Variants in GUCY2D observed in about 807,000 individuals in gnomAD.
GUCY2D encodes retinal guanylyl cyclase 1.
GUCY2D carries 70 observed loss-of-function variants against 101.3 expected under a neutral mutation model. That is an observed-to-expected ratio of 0.69 (90% confidence interval 0.57 to 0.84). The LOEUF is 0.84. Ranked by LOEUF, GUCY2D falls within the 40% of genes least tolerant of loss-of-function variation. The pLI is 0.00. For synonymous variants in GUCY2D, 688 were observed against 670.7 expected (o/e 1.03, Z -0.40); for missense variants, 1,460 against 1,542.5 (o/e 0.95, Z 0.90).
intron 5 of GUCY2D, 82 bp from the exon 6 acceptor site, chr17:8,007,344 G>T: frequency 1.9e-6 from 2 of 1,045,178 alleles, no homozygotes; most frequent in Non-Finnish European, 1.5e-6. Context: ...CTGAGCCAAC[G>T]TTATCCCTCC....
In GUCY2D at chr17:8,003,740, G is replaced by T. The variant is rs759280279; in HGVS notation, c.693G>T (p.Arg231Ser). ...LDLSGAREALRKVRDGPRVTA... is the reference protein window; with the variant it reads ...LDLSGAREALSKVRDGPRVTA... ...TGTCTGGAGCCCGGGAGGCCCTGAG[G>T]AAGGTTCGGGACGGGCCCAGGGTCA... Residue 231 changes from arginine to serine, a missense_variant, in exon 2 of 20, where the codon AGG becomes AGT. Transcript: ENST00000254854. 6.3e-6 allele frequency: 10 copies of T among 1,598,788 alleles called. No individual in the cohort carries two copies. In the South Asian group the frequency reaches 1.1e-4, roughly 18 times the overall value.
intron 6 of GUCY2D, 38 bp from the exon 7 acceptor site, chr17:8,007,893 A>C (rs1026305792): frequency 1.8e-5 from 23 of 1,286,302 alleles, no homozygotes; most frequent in Non-Finnish European, 2.6e-5. Context: ...TGACACCAGA[A>C]TATATTTTGA....
Position 8,014,491 on chromosome 17 carries a change from G to T in GUCY2D, c.2413-110G>T, listed in dbSNP as rs1975921259. ...GAATAGTAGATGAATGGTGGCAGCG[G>T]GGTTGGGGTTCAGAGTGAACAGCCC... On this transcript the variant is annotated intron_variant, in intron 12 of 19. Transcript: ENST00000254854. The surrounding 1 kb of genome is among the most constrained non-coding windows in gnomAD (Gnocchi z 4.0). 2 of 984,330 alleles carry T rather than the reference G, an allele frequency of 2.0e-6. No homozygotes were observed. Among genetic ancestry groups the T allele is most frequent in the Non-Finnish European group, 3.3e-6 (2 of 614,046 alleles). 61.0% of individuals were successfully genotyped at this position (984,330 alleles called of 1,614,324 possible). A position where few individuals can be genotyped will look rare whatever the true frequency, so the allele number is the denominator to read the frequency against.
At position 8,016,482 on chromosome 17, in the gene GUCY2D, C is replaced by A. The variant is rs754717527; in HGVS notation, c.3264C>A (p.Pro1088=). Reference sequence around the variant, plus strand: ...GCATCAGCCTGCAGGAGATCCCACCCGAGCGGCGACGGAAGCTGGAGAAGG... The same window carrying A: ...GCATCAGCCTGCAGGAGATCCCACCAGAGCGGCGACGGAAGCTGGAGAAGG... The part of the protein sequence containing the change: ...NHGISLQEIP[P]ERRRKLEKAR... The change falls in exon 19 of 20, where the codon CCC becomes CCA. Residue 1088 remains proline, a synonymous_variant. Coordinates refer to ENST00000254854, the MANE Select transcript of GUCY2D (RefSeq NM_000180.4). 3.2e-6 allele frequency: 5 copies of A among 1,580,380 alleles called. No homozygotes were observed. The highest frequency in any genetic ancestry group is 1.7e-4 in the Middle Eastern group (1 of 6,052).
At chr17:8,012,934 G>C (rs1018805469) in intron 10 of GUCY2D, among the ~76,000 whole-genome samples, 169 bp from the exon 11 acceptor site, 1 of 152,212 alleles carries the variant, frequency 6.6e-6, no homozygotes, top group Non-Finnish European at 1.5e-5. Context: ...TATTTGCCAG[G>C]CTTTCTCTGA....
chr17:8,008,821 T>C (rs1975794719), intron 7 of GUCY2D, among the ~76,000 whole-genome samples: 1 of 152,222 alleles, frequency 6.6e-6, no homozygotes, highest in African/African-American at 2.4e-5. Flanking sequence ...TTCCCCACAT[T>C]TATTTCCAAA....
Position 8,016,550 on chromosome 17 carries a change from G to T in GUCY2D, c.*20G>T. ...TCTTGAGAAGTGAGGCCCGGCCCCG[G>T]ACAGGTACTGCCCCCTCAGCCCCAA... On this transcript the variant is annotated 3_prime_UTR_variant, in exon 19 of 20. Transcript: ENST00000254854. The T allele has an allele frequency of 6.8e-7, 1 of 1,481,436 alleles. No individual in the cohort carries two copies. 91.8% of individuals were successfully genotyped at this position (1,481,436 alleles called of 1,614,324 possible). A position where few individuals can be genotyped will look rare whatever the true frequency, so the allele number is the denominator to read the frequency against.
rs1292562609 is a variant in GUCY2D at position 8,006,665 on chromosome 17, C to T, written c.1329C>T (p.Pro443=). ...ACTTCCCGCGTGGGGGATCAGCACC[C>T]GGACCTGACCCCTCGTGCTGGTTCG... The part of the protein sequence containing the change: ...RMHFPRGGSA[P]GPDPSCWFDP... The change falls in exon 4 of 20, where the codon CCC becomes CCT. Residue 443 remains proline, a synonymous_variant. Coordinates refer to ENST00000254854, the MANE Select transcript of GUCY2D (RefSeq NM_000180.4). 7 of 1,612,014 alleles carry T rather than the reference C, an allele frequency of 4.3e-6. No individual in the cohort carries two copies. Among genetic ancestry groups the T allele is most frequent in the Admixed American group, 3.3e-5 (2 of 59,874 alleles).
chr17:8,006,711 GGA>G lies in GUCY2D; in HGVS notation c.1377_1378del (p.Gly460ThrfsTer96), dbSNP rs1275955653. On this transcript the variant is annotated frameshift_variant and splice_region_variant, in exon 4 of 20. Transcript: ENST00000254854. LOFTEE classifies it high-confidence loss of function. ...CWFDPNNICG[G>X]GLEPGLVFLG... ...GTTCGATCCAAACAACATCTGCGGTGGAGGTGAGGGCGAGCACCCCAGTCCCC... is the reference window on the plus strand; with the variant it reads ...GTTCGATCCAAACAACATCTGCGGTGGGTGAGGGCGAGCACCCCAGTCCCC... 1.5e-5 allele frequency: 24 copies of G among 1,602,048 alleles called. No individual in the cohort carries two copies. The highest frequency in any genetic ancestry group is 1.9e-5 in the Non-Finnish European group (22 of 1,173,784).
intron 19 of GUCY2D, among the ~76,000 whole-genome samples, chr17:8,019,153 G>A (rs187668100): frequency 9.5e-4 from 144 of 152,230 alleles, no homozygotes; most frequent in African/African-American, 3.2e-3. Context: ...GGATTGAAGC[G>A]CAGATTCACA....
rs1975736437 is a variant in GUCY2D at position 8,006,350 on chromosome 17, T to G, written c.1027-13T>G. On this transcript the variant is annotated splice_polypyrimidine_tract_variant and intron_variant, in intron 3 of 19. Transcript: ENST00000254854. ...GTGACCCCGACCTCTGAGCCCCTAC[T>G]CTCCTTCTCCAGGTCTCCCCACTCT... The G allele has an allele frequency of 1.3e-6, 2 of 1,595,146 alleles. No individual in the cohort carries two copies. The highest frequency in any genetic ancestry group is 1.7e-5 in the Admixed American group (1 of 59,982).
Position 8,003,112 on chromosome 17 carries a change from G to A in GUCY2D, c.65G>A (p.Trp22Ter), listed in dbSNP as rs1308509257. 1 of 1,521,712 alleles carries A rather than the reference G, an allele frequency of 6.6e-7. No homozygotes were observed. Among genetic ancestry groups the A allele is most frequent in the South Asian group, 1.2e-5 (1 of 81,882 alleles). The allele number at this position is 1,521,712 out of a possible 1,614,324, so 94.3% of individuals were successfully genotyped here. A position where few individuals can be genotyped will look rare whatever the true frequency, so the allele number is the denominator to read the frequency against. Reference protein sequence around the residue: ...PDPGLCGPAWWAPSLPRLPRA... With the variant: ...PDPGLCGPAW ...CCCGGGCTCTGCGGTCCCGCGTGGT[G>A]GGCTCCGTCCCTGCCCCGCCTCCCC... Residue 22 changes from tryptophan to a stop codon, truncating the protein, a stop_gained, in exon 2 of 20, where the codon TGG (tryptophan) becomes TAG (stop). Transcript: ENST00000254854. LOFTEE classifies it high-confidence loss of function.
At position 8,016,487 on chromosome 17, in the gene GUCY2D, G is replaced by A. The variant is rs371952237; in HGVS notation, c.3269G>A (p.Arg1090Gln). Residue 1090 changes from arginine to glutamine, a missense_variant, in exon 19 of 20, where the codon CGG becomes CAG. Transcript: ENST00000254854. ...AGCCTGCAGGAGATCCCACCCGAGC[G>A]GCGACGGAAGCTGGAGAAGGCGCGG... The part of the protein sequence containing the change: ...GISLQEIPPE[R>Q]RRKLEKARPG... 3 of 1,581,684 alleles carry A rather than the reference G, an allele frequency of 1.9e-6. No individual in the cohort carries two copies. Among genetic ancestry groups the A allele is most frequent in the African/African-American group, 1.3e-5 (1 of 74,536 alleles).
intron 3 of GUCY2D, 59 bp downstream of exon 3, chr17:8,004,215 A>G (rs1258726573): frequency 2.6e-5 from 37 of 1,435,474 alleles, no homozygotes. Context: ...CAGCCAAAGC[A>G]GGGAGAGGAG....
At position 8,006,489 on chromosome 17, in the gene GUCY2D, G is replaced by A. The variant is rs1975741545; in HGVS notation, c.1153G>A (p.Ala385Thr). The change falls in exon 4 of 20, where the codon GCG becomes ACG. Residue 385 changes from alanine (A) to threonine (T), a missense_variant. Coordinates refer to ENST00000254854, the MANE Select transcript of GUCY2D (RefSeq NM_000180.4). ...AGCTGTGGCCCGCCACATCCGGGATGCGCAGGTCCCTGGCTTCTGCGGGGA... is the reference window on the plus strand; with the variant it reads ...AGCTGTGGCCCGCCACATCCGGGATACGCAGGTCCCTGGCTTCTGCGGGGA... Reference protein sequence around the residue: ...GAAVARHIRDAQVPGFCGDLG... With the variant: ...GAAVARHIRDTQVPGFCGDLG... 3 of 1,608,088 alleles carry A rather than the reference G, an allele frequency of 1.9e-6. No individual in the cohort carries two copies. The African/African-American group carries it at 4.0e-5, about 21-fold the overall frequency.
rs72841480 is a variant in GUCY2D at position 8,013,075 on chromosome 17, G to A, written c.2114-28G>A. 89 of 1,603,616 alleles carry A rather than the reference G, an allele frequency of 5.5e-5. No homozygotes were observed. The highest frequency in any genetic ancestry group is 9.4e-5 in the African/African-American group (7 of 74,850). On this transcript the variant is annotated intron_variant, in intron 10 of 19. Coordinates refer to ENST00000254854, the MANE Select transcript of GUCY2D (RefSeq NM_000180.4). This position sits in a 1 kb window ranked among gnomAD's most constrained non-coding sequence, Gnocchi z 5.0. Reference sequence around the variant, plus strand: ...GTGAGGGTGGGAGTCTTTCCCCAGCGGCGCCTCAGCCCCTTCCCCATCCCC... The same window carrying A: ...GTGAGGGTGGGAGTCTTTCCCCAGCAGCGCCTCAGCCCCTTCCCCATCCCC...
chr17:8,013,275 G>A lies in GUCY2D; in HGVS notation c.2263+23G>A, dbSNP rs1380932244. Reference sequence around the variant, plus strand: ...AGGGTAAGGCTGCCCTGTGCGTGGAGTTCGGCCCACAGGGGCACCCTGCAG... The same window carrying A: ...AGGGTAAGGCTGCCCTGTGCGTGGAATTCGGCCCACAGGGGCACCCTGCAG... On this transcript the variant is annotated intron_variant, in intron 11 of 19. Transcript: ENST00000254854. This position sits in a 1 kb window ranked among gnomAD's most constrained non-coding sequence, Gnocchi z 5.0. 1.2e-6 allele frequency: 2 copies of A among 1,612,728 alleles called. No homozygotes were observed. The highest frequency in any genetic ancestry group is 2.2e-5 in the South Asian group (2 of 90,946).
In GUCY2D at chr17:8,016,974, A is replaced by C. The variant is rs540414225; in HGVS notation, c.*24+420A>C. 1.3e-3 allele frequency among the ~76,000 whole-genome samples: 200 copies of C among 152,032 alleles called. 1 individual carries two copies. The highest frequency in any genetic ancestry group is 4.6e-3 in the African/African-American group (190 of 41,460). ...CCGTGACCCGCTCCTTCCTAGGTGA[A>C]CCCCCATGACCCCTTTCCTCGACTC... On this transcript the variant is annotated intron_variant, in intron 19 of 19. Coordinates refer to ENST00000254854, the MANE Select transcript of GUCY2D (RefSeq NM_000180.4).
In GUCY2D at chr17:8,013,174, G is replaced by A. The variant is rs759619180; in HGVS notation, c.2185G>A (p.Val729Ile). 7.4e-6 allele frequency: 12 copies of A among 1,613,932 alleles called. No homozygotes were observed. In the East Asian group the frequency reaches 1.1e-4, roughly 15 times the overall value. ...GCGCCGGGGAACGCTGGCCGGCGAC[G>A]TCTTTAGCTTGGCCATCATCATGCA... ...LERRGTLAGDVFSLAIIMQEV... is the reference protein window; with the variant it reads ...LERRGTLAGDIFSLAIIMQEV... Residue 729 changes from valine (V) to isoleucine (I), a missense_variant, in exon 11 of 20, where the codon GTC (valine) becomes ATC (isoleucine). By Grantham distance (29) the Val-to-Ile change is conservative. This residue lies in a region of GUCY2D where 1,196 missense variants were observed against 1,229.6 expected (regional missense o/e 0.97). Transcript: ENST00000254854. This position sits in a 1 kb window ranked among gnomAD's most constrained non-coding sequence, Gnocchi z 5.0.
Sources: gnomAD v4.1 joint callset for allele counts (sites outside exome capture counted in the v4.1 genomes callset) on GRCh38, gnomAD v4.1.1 for gene constraint, gnomAD v4.1.1 regional missense constraint, Gnocchi (gnomAD v3.1) non-coding constraint, MANE v1.5 for transcripts, NCBI Gene and HGNC (gene_info 2026-07-23, HGNC 2026-07-21) for gene names.